The following LRRTM4 variants were observed in gnomAD, a reference collection of about 807,000 sequenced individuals.
The protein encoded by LRRTM4 is leucine-rich repeat transmembrane neuronal protein 4.
Under a neutral mutation model 47.6 loss-of-function variants are expected in LRRTM4, and 25 were observed. That is an observed-to-expected ratio of 0.53 (90% CI 0.38 to 0.73). LRRTM4 has a LOEUF of 0.73. LRRTM4 is among the 30% of genes least tolerant of loss of function. The pLI, the probability that LRRTM4 is intolerant of heterozygous loss-of-function variation, is 0.00. For missense variants in LRRTM4, 638 were observed against 713.4 expected (o/e 0.89, Z 1.20); for synonymous variants, 311 against 269.5 (o/e 1.15, Z -1.51).
At chr2:77,011,208 A>G (rs977705363) in intron 3 of LRRTM4, among the ~76,000 whole-genome samples, 3 of 152,200 alleles carry the variant, frequency 2.0e-5, no homozygotes, top group Non-Finnish European at 4.4e-5. Context: ...TTTCAAAAAT[A>G]TAATTTCAAC....
intron 3 of LRRTM4, among the ~76,000 whole-genome samples, chr2:77,050,577 A>C (rs1406136455): frequency 6.6e-6 from 1 of 152,192 alleles, no homozygotes; most frequent in African/African-American, 2.4e-5. Flanking sequence ...AACCTGTAAC[A>C]GTCGGTGCAT....
chr2:76,861,386 T>C (rs1019049071), intron 3 of LRRTM4, among the ~76,000 whole-genome samples: 25 of 152,156 alleles, frequency 1.6e-4, no homozygotes, highest in African/African-American at 5.5e-4. Context: ...TGATTTTTTT[T>C]CCCATATCTA....
At chr2:77,220,737 C>T (rs186650678) in intron 3 of LRRTM4, among the ~76,000 whole-genome samples, 1 of 152,288 alleles carries the variant, frequency 6.6e-6, no homozygotes, top group African/African-American at 2.4e-5. Flanking sequence ...GATTGCTGTA[C>T]CTGAAAGTGA....
chr2:77,169,945 A>G (rs1299558653), intron 3 of LRRTM4, among the ~76,000 whole-genome samples: 1 of 152,092 alleles, frequency 6.6e-6, no homozygotes, highest in African/African-American at 2.4e-5. Context: ...ATGGTTACGT[A>G]TTTGTTATGT....
chr2:76,845,675 C>T lies in LRRTM4; in HGVS notation c.1552-96759G>A, dbSNP rs1343412905. On this transcript the variant is annotated intron_variant, in intron 3 of 3. Transcript: ENST00000409884. ...ATGGAAGTACCACCAGGGGAGCTAACATGAAATATTTTTCAGTCTTTTTTA... is the reference window on the plus strand; with the variant it reads ...ATGGAAGTACCACCAGGGGAGCTAATATGAAATATTTTTCAGTCTTTTTTA... Among the ~76,000 whole-genome samples the T allele has an allele frequency of 2.0e-5, 3 of 152,256 alleles. No individual in the cohort carries two copies. In the East Asian group the frequency reaches 5.8e-4, roughly 29 times the overall value.
rs112633045 is a variant in LRRTM4, at chr2:77,022,042, C to G, written c.1552-273126G>C. 2.6e-5 allele frequency among the ~76,000 whole-genome samples: 4 copies of G among 152,092 alleles called. No individual in the cohort carries two copies. The South Asian group carries it at 6.2e-4, about 24-fold the overall frequency. ...TTCATGCTGCTGATAAAGACATACC[C>G]GAGACTGGGAAGAAAAAGAGGTTTA... On this transcript the variant is annotated intron_variant, in intron 3 of 3. Coordinates refer to ENST00000409884, the MANE Select transcript of LRRTM4 (RefSeq NM_001134745.3).
intron 3 of LRRTM4, among the ~76,000 whole-genome samples, chr2:77,088,726 C>T (rs1450669671): frequency 6.6e-6 from 1 of 152,178 alleles, no homozygotes; most frequent in Non-Finnish European, 1.5e-5. Context: ...GATCAATCCC[C>T]CGTCCTCCTG....
chr2:77,401,150 T>G (rs1335793672), intron 3 of LRRTM4, among the ~76,000 whole-genome samples: 2 of 151,964 alleles, frequency 1.3e-5, no homozygotes, highest in African/African-American at 4.8e-5. Flanking sequence ...GTGTGGTTGC[T>G]GCCATCAGCA....
chr2:76,831,895 ATACCCACAT>A (rs1671363332), intron 3 of LRRTM4, among the ~76,000 whole-genome samples: 1 of 152,124 alleles, frequency 6.6e-6, no homozygotes, highest in African/African-American at 2.4e-5. Context: ...TGTGTTCTGC[ATACCCACAT>A]ACCCTTTTGG....
At chr2:77,056,984 G>A (rs1260416750) in intron 3 of LRRTM4, among the ~76,000 whole-genome samples, 1 of 152,090 alleles carries the variant, frequency 6.6e-6, no homozygotes, top group Non-Finnish European at 1.5e-5. Context: ...TACCACTTGT[G>A]GTAAATAAAG....
chr2:76,769,426 A>G (rs769930184), intron 3 of LRRTM4, among the ~76,000 whole-genome samples: 3 of 152,026 alleles, frequency 2.0e-5, no homozygotes, highest in East Asian at 1.9e-4. Context: ...AAACTTCTCT[A>G]TTGGGAGTAG....
intron 3 of LRRTM4, among the ~76,000 whole-genome samples, chr2:77,414,407 G>T (rs1411034529): frequency 6.6e-6 from 1 of 152,114 alleles, no homozygotes; most frequent in Non-Finnish European, 1.5e-5. Flanking sequence ...TTATTTACTT[G>T]TGTCAATCAT....
intron 3 of LRRTM4, among the ~76,000 whole-genome samples, chr2:76,975,401 G>A (rs1449465590): frequency 7.4e-6 from 1 of 135,732 alleles, no homozygotes; most frequent in Non-Finnish European, 1.5e-5. Context: ...AATCATAAGA[G>A]ACTTATTTAT....
chr2:77,152,432 G>T (rs13401695), intron 3 of LRRTM4, among the ~76,000 whole-genome samples: 1 of 151,840 alleles, frequency 6.6e-6, no homozygotes, highest in East Asian at 1.9e-4. Context: ...GGGTTCAAGC[G>T]ATTCTCCTGC....
chr2:76,887,858 A>C (rs969625811), intron 3 of LRRTM4, among the ~76,000 whole-genome samples: 31 of 151,174 alleles, frequency 2.1e-4, no homozygotes, highest in Non-Finnish European at 5.9e-5. Context: ...TCAAATTGTC[A>C]AGACCAATAA....
At chr2:76,873,437 T>C (rs1672684612) in intron 3 of LRRTM4, among the ~76,000 whole-genome samples, 2 of 148,692 alleles carry the variant, frequency 1.3e-5, no homozygotes, top group Admixed American at 6.8e-5. Flanking sequence ...ATACATTATA[T>C]AGTCTGTGTG....
At chr2:76,999,679 T>C (rs952917797) in intron 3 of LRRTM4, among the ~76,000 whole-genome samples, 2 of 152,164 alleles carry the variant, frequency 1.3e-5, no homozygotes, top group East Asian at 3.9e-4. Context: ...AGAAACAATC[T>C]ACATGTATCT....
intron 3 of LRRTM4, among the ~76,000 whole-genome samples, chr2:77,356,160 T>C (rs1017030107): frequency 6.6e-6 from 1 of 152,140 alleles, no homozygotes; most frequent in African/African-American, 2.4e-5. Flanking sequence ...TTAAATGAGA[T>C]AATAGATTAA....
intron 3 of LRRTM4, among the ~76,000 whole-genome samples, chr2:77,133,057 C>T (rs996410747): frequency 6.6e-6 from 1 of 152,110 alleles, no homozygotes; most frequent in African/African-American, 2.4e-5. Context: ...CAGAACTGAA[C>T]CAGTCCTGGA....
Sources: gnomAD v4.1 joint callset for allele counts (sites outside exome capture counted in the v4.1 genomes callset) on GRCh38, gnomAD v4.1.1 for gene constraint, MANE v1.5 for transcripts, NCBI Gene and HGNC (gene_info 2026-07-23, HGNC 2026-07-21) for gene names.